Variants in MTMR7 observed in about 807,000 individuals in gnomAD.
MTMR7 encodes phosphatidylinositol-3-phosphate phosphatase MTMR7.
A neutral mutation model predicts 81.2 loss-of-function variants in MTMR7; 76 were observed. The ratio of observed to expected loss-of-function variants is 0.94; its 90% CI spans 0.78 to 1.13. The LOEUF (loss-of-function observed/expected upper bound fraction) is 1.13, where lower values mean the gene tolerates loss of function less well. Ranked by LOEUF, MTMR7 falls within the 50% of genes most tolerant of loss-of-function variation. MTMR7 has a pLI of 0.00. For synonymous variants in MTMR7, 372 were observed against 289.8 expected, an observed-to-expected ratio of 1.28 and a Z score of -2.88; for missense variants, 1,044 against 820.0, an observed-to-expected ratio of 1.27 and a Z score of -3.34.
At chr8:17,346,884 T>TAAAAAA (rs55910829) in intron 5 of MTMR7, among the ~76,000 whole-genome samples, 2 of 65,036 alleles carry the variant, frequency 3.1e-5, no homozygotes, top group Non-Finnish European at 5.9e-5. Flanking sequence ...CCTATCTTAA[T>TAAAAAA]AAAAAAAAAA....
At chr8:17,334,527 C>T (rs965133058) in intron 6 of MTMR7, among the ~76,000 whole-genome samples, 17 of 152,182 alleles carry the variant, frequency 1.1e-4, no homozygotes, top group African/African-American at 3.6e-4. Flanking sequence ...AAAAGTAGGA[C>T]TGCAAAAATA....
chr8:17,341,435 C>T lies in MTMR7; in HGVS notation c.660G>A (p.Glu220=), dbSNP rs139002520. The T allele has an allele frequency of 1.1e-5, 17 of 1,614,086 alleles. No individual in the cohort carries two copies. The African/African-American group carries it at 2.3e-4, about 22-fold the overall frequency. Residue 220 remains glutamate (E), a synonymous_variant, in exon 6 of 14, where the codon GAG becomes GAA. Transcript: ENST00000180173. ...SGFSARCLED[E]QMLQAIRKAN... ...CTTTCCTAATGGCCTGGAGCATCTG[C>T]TCGTCCTCTAGGCACCGGGCACTGA...
intron 3 of MTMR7, among the ~76,000 whole-genome samples, chr8:17,369,151 T>G (rs1338180707): frequency 6.6e-6 from 1 of 152,196 alleles, no homozygotes; most frequent in African/African-American, 2.4e-5. Context: ...ACACAGAAAC[T>G]GTTAGCACAG....
chr8:17,332,624 C>G (rs1315599144), intron 6 of MTMR7, among the ~76,000 whole-genome samples: 1 of 152,202 alleles, frequency 6.6e-6, no homozygotes, highest in Non-Finnish European at 1.5e-5. Context: ...TGCTGCTGCC[C>G]AGCATCACAA....
At chr8:17,395,326 A>C (rs1386145908) in intron 1 of MTMR7, among the ~76,000 whole-genome samples, 1 of 152,006 alleles carries the variant, frequency 6.6e-6, no homozygotes, top group Non-Finnish European at 1.5e-5. Context: ...TTGTTGATGG[A>C]CTCTTGGATT....
intron 4 of MTMR7, among the ~76,000 whole-genome samples, chr8:17,356,669 G>GC (rs1312243686): frequency 1.3e-5 from 2 of 151,980 alleles, no homozygotes; most frequent in African/African-American, 4.8e-5. Context: ...AGCTGAGATC[G>GC]CCCCACTGTA....
At chr8:17,341,085 T>C (rs1819394676) in intron 6 of MTMR7, among the ~76,000 whole-genome samples, 1 of 152,136 alleles carries the variant, frequency 6.6e-6, no homozygotes. Context: ...AGGAGCACAA[T>C]CTCCAAAATG....
chr8:17,406,309 TAACTC>T (rs1226759473), intron 1 of MTMR7, among the ~76,000 whole-genome samples: 1 of 152,012 alleles, frequency 6.6e-6, no homozygotes. Context: ...TTAATAAAAA[TAACTC>T]AAGAAAGAAA....
rs573535569 is a variant in MTMR7 at position 17,317,519 on chromosome 8, G to T, written c.866-4118C>A. ...CCATCCCCTCTTCCAGCTTTGCCTG[G>T]TACTCCTGATCCCAGAGTCCCTGCG... On this transcript the variant is annotated intron_variant, in intron 7 of 13. Transcript: ENST00000180173. 2.7e-5 allele frequency among the ~76,000 whole-genome samples: 4 copies of T among 148,178 alleles called. 1 individual carries two copies. Among genetic ancestry groups the T allele is most frequent in the Admixed American group, 2.0e-4 (3 of 15,198 alleles).
At chr8:17,376,460 G>A (rs1820591645) in intron 1 of MTMR7, among the ~76,000 whole-genome samples, 1 of 152,230 alleles carries the variant, frequency 6.6e-6, no homozygotes, top group South Asian at 2.1e-4. Context: ...CTTAGGAGCA[G>A]AATTGCTGGG....
chr8:17,393,722 C>T (rs1369650738), intron 1 of MTMR7, among the ~76,000 whole-genome samples: 1 of 152,106 alleles, frequency 6.6e-6, no homozygotes, highest in East Asian at 1.9e-4. Flanking sequence ...GGAGGGAGAA[C>T]ATCAGAAATA....
intron 1 of MTMR7, among the ~76,000 whole-genome samples, chr8:17,399,156 T>C (rs1427277678): frequency 6.7e-6 from 1 of 150,268 alleles, no homozygotes; most frequent in Non-Finnish European, 1.5e-5. Flanking sequence ...AAAAAAAAAA[T>C]AAAGAGCATC....
intron 3 of MTMR7, 143 bp downstream of exon 3, chr8:17,370,894 T>C: frequency 1.4e-6 from 1 of 714,746 alleles, no homozygotes; most frequent in East Asian, 3.0e-5. Flanking sequence ...CAGATGATCA[T>C]TCGGGCTTAT....
In MTMR7 at chr8:17,299,941, G is replaced by A. The variant is rs959655478; in HGVS notation, c.1904C>T (p.Pro635Leu). Residue 635 changes from proline to leucine, a missense_variant, in exon 14 of 14, where the codon CCA becomes CTA. Pro to Leu is a moderately conservative substitution (Grantham distance 98, BLOSUM62 -3). Transcript: ENST00000180173. The part of the protein sequence containing the change: ...SGVEDLSCRS[P>L]SGGEHAPSED... ...ACTCGGTGCATGCTCACCACCACTT[G>A]GAGACCGACAGCTCAAATCCTCCAC... 6.2e-7 allele frequency: 1 copy of A among 1,613,982 alleles called. No individual in the cohort carries two copies. The highest frequency in any genetic ancestry group is 1.7e-5 in the Admixed American group (1 of 59,980).
chr8:17,334,539 CCT>C lies in MTMR7; in HGVS notation c.733-3259_733-3258del, dbSNP rs367790724. On this transcript the variant is annotated intron_variant, in intron 6 of 13. Transcript: ENST00000180173. ...GTGAAAAGTAGGACTGCAAAAATACCCTGTTTCCTAACACAAGGTTCATTTGC... is the reference window on the plus strand; with the variant it reads ...GTGAAAAGTAGGACTGCAAAAATACCGTTTCCTAACACAAGGTTCATTTGC... 3.1e-3 allele frequency among the ~76,000 whole-genome samples: 479 copies of C among 152,220 alleles called. 4 individuals are homozygous for C. The highest frequency in any genetic ancestry group is 0.011 in the African/African-American group (458 of 41,522).
At chr8:17,305,264 C>T (rs1586140333) in intron 11 of MTMR7, among the ~76,000 whole-genome samples, 5 of 152,160 alleles carry the variant, frequency 3.3e-5, no homozygotes, top group Admixed American at 1.3e-4. Flanking sequence ...CTCATGTATA[C>T]TGCCTAAATC....
At chr8:17,302,006 C>A in intron 13 of MTMR7, 148 bp downstream of exon 13, 1 of 1,037,378 alleles carries the variant, frequency 9.6e-7, no homozygotes, top group African/African-American at 1.6e-5. Flanking sequence ...TATCTGAGTC[C>A]TGACCTGGAT....
chr8:17,360,531 T>C (rs958782375), intron 4 of MTMR7, among the ~76,000 whole-genome samples: 20 of 151,882 alleles, frequency 1.3e-4, no homozygotes, highest in Admixed American at 1.3e-3. Flanking sequence ...TTACTTTTGT[T>C]ACTCAAATAT....
At chr8:17,379,332 G>C (rs1453764705) in intron 1 of MTMR7, among the ~76,000 whole-genome samples, 2 of 152,148 alleles carry the variant, frequency 1.3e-5, no homozygotes, top group East Asian at 1.9e-4. Context: ...GAAGCAGATA[G>C]TCTGACCACG....
Sources: gnomAD v4.1 joint callset for allele counts (sites outside exome capture counted in the v4.1 genomes callset) on GRCh38, gnomAD v4.1.1 for gene constraint, MANE v1.5 for transcripts, NCBI Gene and HGNC (gene_info 2026-07-23, HGNC 2026-07-21) for gene names.